UXS1: variants seen among roughly 807,000 people sequenced by gnomAD.
UXS1 encodes UDP-glucuronate decarboxylase 1.
UXS1 carries 33 observed loss-of-function variants against 62.6 expected under a neutral mutation model. That is an observed-to-expected ratio of 0.53 (90% confidence interval 0.40 to 0.70). UXS1 has a LOEUF of 0.70. Among genes scored for constraint, UXS1 ranks in the 30% least tolerant of loss-of-function variants. The pLI, the probability that UXS1 is intolerant of heterozygous loss-of-function variation, is 0.00. For synonymous variants in UXS1, 213 were observed against 206.8 expected, an observed-to-expected ratio of 1.03 and a Z score of -0.26; for missense variants, 434 against 556.3, an observed-to-expected ratio of 0.78 and a Z score of 2.21.
rs566636620 is a variant in UXS1 at position 106,125,475 on chromosome 2, G to A, written c.637+145C>T. The stretch of plus-strand genomic sequence containing the variant: ...ACAAGGAAGAGGAGCTTGGCGACCC[G>A]GGAGGCCGACAGGTAGCCTCCTGTG... On this transcript the variant is annotated intron_variant, in intron 8 of 14. Coordinates refer to ENST00000283148, the MANE Select transcript of UXS1 (RefSeq NM_001253875.2). 2.2e-4 allele frequency: 145 copies of A among 651,684 alleles called. 1 individual carries two copies. The highest frequency in any genetic ancestry group is 2.2e-3 in the African/African-American group (117 of 53,644). 40.4% of individuals were successfully genotyped at this position (651,684 alleles called of 1,614,324 possible).
chr2:106,190,245 T>C (rs1486923892), intron 1 of UXS1, among the ~76,000 whole-genome samples: 1 of 152,108 alleles, frequency 6.6e-6, no homozygotes, highest in Non-Finnish European at 1.5e-5. Context: ...ATTTACATAG[T>C]CATGCTTGTA....
intron 9 of UXS1, among the ~76,000 whole-genome samples, chr2:106,117,109 T>C (rs894278824): frequency 2.6e-5 from 4 of 152,208 alleles, no homozygotes; most frequent in African/African-American, 7.2e-5. Context: ...TCCTCTCACA[T>C]CCCAAAGCTG....
chr2:106,155,848 C>T (rs1682378605), intron 5 of UXS1, among the ~76,000 whole-genome samples: 1 of 152,126 alleles, frequency 6.6e-6, no homozygotes, highest in Non-Finnish European at 1.5e-5. Flanking sequence ...TGCTGGACAA[C>T]CGGACAGCCA....
chr2:106,119,402 T>A (rs1488429270), intron 9 of UXS1, among the ~76,000 whole-genome samples: 2 of 151,994 alleles, frequency 1.3e-5, no homozygotes, highest in Non-Finnish European at 2.9e-5. Context: ...TTGGAGCCCA[T>A]CCTCCCATCT....
At chr2:106,148,953 G>T (rs1341626964) in intron 5 of UXS1, among the ~76,000 whole-genome samples, 1 of 152,158 alleles carries the variant, frequency 6.6e-6, no homozygotes, top group African/African-American at 2.4e-5. Flanking sequence ...TCGCTCTTGT[G>T]GGTGCCAATA....
chr2:106,129,863 C>T (rs1230881644), intron 6 of UXS1, 85 bp from the exon 7 acceptor site: 15 of 726,648 alleles, frequency 2.1e-5, no homozygotes, highest in South Asian at 1.5e-4. Flanking sequence ...GTATAATAAA[C>T]GTATTAGTAT....
chr2:106,178,608 A>G (rs1684047768), intron 1 of UXS1, among the ~76,000 whole-genome samples: 1 of 152,026 alleles, frequency 6.6e-6, no homozygotes, highest in Admixed American at 6.6e-5. Context: ...GTGTGTGTAT[A>G]TATGTGTGTG....
rs573032248 is a variant in UXS1 at position 106,118,853 on chromosome 2, C to G, written c.759+4117G>C. On this transcript the variant is annotated intron_variant, in intron 9 of 14. Coordinates refer to ENST00000283148, the MANE Select transcript of UXS1 (RefSeq NM_001253875.2). ...CATATTATTCAGAGTAAGACATATC[C>G]ACATACTATATAGGATCTTGACAAT... 9.9e-5 allele frequency among the ~76,000 whole-genome samples: 15 copies of G among 152,026 alleles called. No homozygotes were observed. The South Asian group carries it at 2.7e-3, about 27-fold the overall frequency.
Position 106,107,640 on chromosome 2 carries a change from G to A in UXS1, c.880-2803C>T, listed in dbSNP as rs575710605. 3.3e-5 allele frequency among the ~76,000 whole-genome samples: 5 copies of A among 152,336 alleles called. No individual in the cohort carries two copies. The South Asian group carries it at 1.0e-3, about 32-fold the overall frequency. ...AGCTTGAATATCACTTAATCCCAAA[G>A]GGCTGCAGCCTGGGAAGTCCAAAAG... is the stretch of plus-strand genomic sequence containing the variant. On this transcript the variant is annotated intron_variant, in intron 10 of 14. Transcript: ENST00000283148.
chr2:106,107,379 C>T (rs1031922545), intron 10 of UXS1, among the ~76,000 whole-genome samples: 3 of 152,210 alleles, frequency 2.0e-5, no homozygotes, highest in Non-Finnish European at 4.4e-5. Context: ...ATCAGAGCAG[C>T]GGTGTCCACT....
At chr2:106,109,672 A>G (rs1410181761) in intron 10 of UXS1, among the ~76,000 whole-genome samples, 3 of 152,218 alleles carry the variant, frequency 2.0e-5, no homozygotes, top group Non-Finnish European at 4.4e-5. Flanking sequence ...GCTGAACATG[A>G]TTCCACTTAA....
intron 6 of UXS1, among the ~76,000 whole-genome samples, chr2:106,142,880 CTTCA>C (rs1188527091): frequency 2.6e-5 from 4 of 151,756 alleles, no homozygotes; most frequent in African/African-American, 7.3e-5. Flanking sequence ...TATTGTATGA[CTTCA>C]TTCAATGTGT....
At chr2:106,184,412 T>G (rs1365833145) in intron 1 of UXS1, among the ~76,000 whole-genome samples, 1 of 152,212 alleles carries the variant, frequency 6.6e-6, no homozygotes, top group Non-Finnish European at 1.5e-5. Flanking sequence ...CTCTCCAACT[T>G]CACATCAGAC....
chr2:106,166,843 A>G (rs1683248401), intron 1 of UXS1, among the ~76,000 whole-genome samples: 1 of 152,100 alleles, frequency 6.6e-6, no homozygotes, highest in Non-Finnish European at 1.5e-5. Context: ...GTGTTTTGAT[A>G]AACAGTATGT....
intron 5 of UXS1, 139 bp downstream of exon 5, chr2:106,157,919 G>A (rs780849193): frequency 1.5e-4 from 109 of 722,212 alleles, no homozygotes; most frequent in Non-Finnish European, 2.1e-4. Context: ...ATCAGAATGC[G>A]GTGCTAACTC....
chr2:106,154,190 T>C (rs983454709), intron 5 of UXS1, among the ~76,000 whole-genome samples: 17 of 152,134 alleles, frequency 1.1e-4, no homozygotes, highest in Non-Finnish European at 2.5e-4. Context: ...GATGAACATA[T>C]AAATGTATAT....
intron 6 of UXS1, among the ~76,000 whole-genome samples, chr2:106,142,946 T>TCC (rs1033722658): frequency 6.6e-6 from 1 of 151,526 alleles, no homozygotes; most frequent in Non-Finnish European, 1.5e-5. Flanking sequence ...TGTGTGTGTG[T>TCC]CCTACACACA....
intron 4 of UXS1, 33 bp downstream of exon 4, chr2:106,163,634 A>C: frequency 7.1e-7 from 1 of 1,410,822 alleles, no homozygotes. Flanking sequence ...AACTTATTTT[A>C]ACTATTGACT....
intron 10 of UXS1, among the ~76,000 whole-genome samples, chr2:106,108,948 G>C (rs189442967): frequency 0.027 from 4,095 of 150,954 alleles, 182 homozygotes; most frequent in African/African-American, 0.09. Context: ...CCTTACCCTC[G>C]ATATCTGATC....
Sources: gnomAD v4.1 joint callset for allele counts (sites outside exome capture counted in the v4.1 genomes callset) on GRCh38, gnomAD v4.1.1 for gene constraint, MANE v1.5 for transcripts, NCBI Gene and HGNC (gene_info 2026-07-23, HGNC 2026-07-21) for gene names.